The following DOCK5 variants were observed in gnomAD, a reference collection of about 807,000 sequenced individuals.
The protein encoded by DOCK5 is dedicator of cytokinesis 5, also known as dedicator of cytokinesis protein 5.
DOCK5 carries 142 observed loss-of-function variants against 251.8 expected under a neutral mutation model. That is an observed-to-expected ratio of 0.56 (90% CI 0.49 to 0.65). The LOEUF is 0.65. DOCK5 is among the 30% of genes least tolerant of loss of function. The pLI is 0.00. For synonymous variants in DOCK5, 842 were observed against 835.5 expected, an observed-to-expected ratio of 1.01 and a Z score of -0.13; for missense variants, 2,111 against 2,312.3, an observed-to-expected ratio of 0.91 and a Z score of 1.79.
intron 40 of DOCK5, among the ~76,000 whole-genome samples, chr8:25,385,674 A>G (rs1032834657): frequency 5.3e-5 from 8 of 152,200 alleles, no homozygotes; most frequent in African/African-American, 1.7e-4. Context: ...GAAATTATCT[A>G]GCTTATGTTC....
rs111644600 is a variant in DOCK5 at position 25,244,213 on chromosome 8, T to A, written c.127+456T>A. Among the ~76,000 whole-genome samples the A allele has an allele frequency of 3.4e-3, 521 of 152,336 alleles. 2 individuals carry two copies. The highest frequency in any genetic ancestry group is 0.012 in the African/African-American group (499 of 41,576). On this transcript the variant is annotated intron_variant, in intron 2 of 51. Transcript: ENST00000276440. ...TTCTTTTAGAAAATTAGGTCATGAC[T>A]GCAGCAGGTCCAGAAAGCCTGATTG...
At chr8:25,292,987 T>A (rs2117153130) in intron 6 of DOCK5, among the ~76,000 whole-genome samples, 1 of 152,310 alleles carries the variant, frequency 6.6e-6, no homozygotes, top group Non-Finnish European at 1.5e-5. Flanking sequence ...TCTACAGAGT[T>A]AATCACTTCA....
rs374903687 is a variant in DOCK5 at position 25,325,468 on chromosome 8, C to T, written c.1824C>T (p.Thr608=). The change falls in exon 18 of 52, where the codon ACC becomes ACT. Residue 608 remains threonine, a synonymous_variant. Transcript: ENST00000276440. ...TTCAAGCATCCAAAAACCTGGTCAC[C>T]TTCACCCCAAGCAAGGATAGCACTA... ...KELQASKNLV[T]FTPSKDSTKD... The T allele has an allele frequency of 3.7e-6, 6 of 1,613,742 alleles. No individual in the cohort carries two copies. Among genetic ancestry groups the T allele is most frequent in the African/African-American group, 2.7e-5 (2 of 74,902 alleles).
chr8:25,236,648 C>T (rs1347101656), intron 1 of DOCK5, among the ~76,000 whole-genome samples: 2 of 152,030 alleles, frequency 1.3e-5, no homozygotes, highest in Non-Finnish European at 2.9e-5. Context: ...TGGTGCGATG[C>T]TGGCTCACTG....
chr8:25,386,912 G>A (rs927990767), intron 40 of DOCK5, among the ~76,000 whole-genome samples: 25 of 152,230 alleles, frequency 1.6e-4, no homozygotes, highest in East Asian at 5.8e-4. Flanking sequence ...TGCCTACATC[G>A]CAGGAAAGTT....
intron 18 of DOCK5, among the ~76,000 whole-genome samples, chr8:25,328,336 C>T (rs1008028994): frequency 2.0e-5 from 3 of 152,048 alleles, no homozygotes; most frequent in South Asian, 2.1e-4. Flanking sequence ...AAACAGACTG[C>T]GAGCAGGGAG....
chr8:25,303,509 CTCTG>C (rs1804821404), intron 10 of DOCK5, among the ~76,000 whole-genome samples: 1 of 152,178 alleles, frequency 6.6e-6, no homozygotes. Context: ...CAGCATCTTC[CTCTG>C]TAGTTTGTTC....
chr8:25,336,438 C>T, intron 22 of DOCK5, 65 bp downstream of exon 22: 6 of 1,585,026 alleles, frequency 3.8e-6, no homozygotes, highest in South Asian at 1.1e-5. Context: ...TTTTCCCTCA[C>T]TCTGCACAGT....
At chr8:25,246,704 T>G (rs1021214268) in intron 2 of DOCK5, among the ~76,000 whole-genome samples, 5 of 89,576 alleles carry the variant, frequency 5.6e-5, no homozygotes, top group Admixed American at 1.4e-4. Context: ...CCATGTTAGT[T>G]TGTGTGTGTG....
chr8:25,317,588 G>A (rs572768514), intron 14 of DOCK5, among the ~76,000 whole-genome samples: 1 of 152,172 alleles, frequency 6.6e-6, no homozygotes, highest in East Asian at 1.9e-4. Context: ...GTAGGCATCC[G>A]CTACCACTGC....
chr8:25,254,295 T>C (rs900359058), intron 2 of DOCK5, among the ~76,000 whole-genome samples: 2 of 152,140 alleles, frequency 1.3e-5, no homozygotes, highest in African/African-American at 4.8e-5. Flanking sequence ...TAGAATATAA[T>C]AACATGGAGA....
chr8:25,387,675 T>A (rs1369935406), intron 40 of DOCK5, among the ~76,000 whole-genome samples: 1 of 152,220 alleles, frequency 6.6e-6, no homozygotes, highest in East Asian at 1.9e-4. Context: ...GACCATTCAT[T>A]TTCTGGCTCA....
intron 5 of DOCK5, among the ~76,000 whole-genome samples, chr8:25,289,771 T>C (rs2468892): frequency 1.3e-5 from 2 of 151,958 alleles, no homozygotes; most frequent in African/African-American, 4.8e-5. Flanking sequence ...GAACGCGGGA[T>C]GGGGAGGTTG....
At chr8:25,210,080 T>C (rs527332126) in intron 1 of DOCK5, among the ~76,000 whole-genome samples, 2,147 of 26,298 alleles carry the variant, frequency 0.082, 568 homozygotes, top group Admixed American at 0.13. Flanking sequence ...ATCTGTCTAT[T>C]TATCTATCTA....
chr8:25,379,954 G>A (rs1316805340), intron 38 of DOCK5, among the ~76,000 whole-genome samples: 2 of 152,024 alleles, frequency 1.3e-5, no homozygotes, highest in African/African-American at 2.4e-5. Flanking sequence ...AGACTTGCAT[G>A]CTTTCCGAAC....
intron 2 of DOCK5, among the ~76,000 whole-genome samples, chr8:25,245,369 G>T (rs894989013): frequency 2.0e-5 from 3 of 152,022 alleles, no homozygotes; most frequent in African/African-American, 7.3e-5. Context: ...AGCTCTTCCA[G>T]TCTTATCAGC....
chr8:25,305,948 A>G (rs898778941), intron 11 of DOCK5, among the ~76,000 whole-genome samples: 3 of 152,082 alleles, frequency 2.0e-5, no homozygotes, highest in African/African-American at 7.2e-5. Context: ...AATATGTATT[A>G]TATGTAATAT....
chr8:25,356,445 T>G (rs1213161077), intron 27 of DOCK5, among the ~76,000 whole-genome samples: 1 of 152,116 alleles, frequency 6.6e-6, no homozygotes, highest in African/African-American at 2.4e-5. Flanking sequence ...CCTAGCAGAT[T>G]GCTTGATCCC....
intron 18 of DOCK5, among the ~76,000 whole-genome samples, chr8:25,331,876 A>G (rs1419938416): frequency 2.0e-5 from 3 of 151,448 alleles, no homozygotes; most frequent in African/African-American, 7.3e-5. Flanking sequence ...TTCCCTCTGA[A>G]TCCACCCAGA....
Sources: allele counts gnomAD v4.1 joint callset (sites outside exome capture counted in the v4.1 genomes callset), GRCh38; gene constraint gnomAD v4.1.1; transcripts MANE v1.5; gene names NCBI Gene and HGNC (gene_info 2026-07-23, HGNC 2026-07-21).